Variants in KCNB2 observed in about 807,000 individuals in gnomAD.
The protein encoded by KCNB2 is potassium voltage-gated channel subfamily B member 2.
KCNB2 carries 15 observed loss-of-function variants against 61.5 expected under a neutral mutation model. The observed-to-expected ratio is 0.24, with a 90% CI of 0.16 to 0.38. KCNB2 has a LOEUF of 0.38. KCNB2 is among the 10% of genes least tolerant of loss of function. The pLI is 1.00. For synonymous variants in KCNB2, 457 were observed against 446.0 expected, an observed-to-expected ratio of 1.02 and a Z score of -0.31; for missense variants, 828 against 1,125.2, an observed-to-expected ratio of 0.74 and a Z score of 3.78.
chr8:72,681,194 T>C (rs1321354348), intron 2 of KCNB2, among the ~76,000 whole-genome samples: 1 of 152,134 alleles, frequency 6.6e-6, no homozygotes, highest in Non-Finnish European at 1.5e-5. Context: ...ATGTGAGTGA[T>C]GTTAAACTTG....
chr8:72,860,309 T>C (rs1342631104), intron 2 of KCNB2, among the ~76,000 whole-genome samples: 3 of 152,232 alleles, frequency 2.0e-5, no homozygotes, highest in Admixed American at 6.5e-5. Context: ...AAGTAGTATA[T>C]GAAGAGTCTC....
chr8:72,729,517 T>G (rs1008868032), intron 2 of KCNB2, among the ~76,000 whole-genome samples: 2 of 152,294 alleles, frequency 1.3e-5, no homozygotes, highest in Non-Finnish European at 2.9e-5. Flanking sequence ...TCTTAGCAAA[T>G]GTTTGAGGAA....
intron 2 of KCNB2, among the ~76,000 whole-genome samples, chr8:72,621,782 A>C (rs1805716759): frequency 6.6e-6 from 1 of 152,252 alleles, no homozygotes; most frequent in African/African-American, 2.4e-5. Flanking sequence ...CACAAGTAAA[A>C]TAAGGATCTA....
intron 2 of KCNB2, among the ~76,000 whole-genome samples, chr8:72,787,212 T>C (rs1313606830): frequency 6.6e-6 from 1 of 151,850 alleles, no homozygotes; most frequent in Non-Finnish European, 1.5e-5. Flanking sequence ...CTGGGCAACA[T>C]AGAAAGATCC....
chr8:72,792,892 G>A (rs766754196), intron 2 of KCNB2, among the ~76,000 whole-genome samples: 11 of 152,082 alleles, frequency 7.2e-5, no homozygotes, highest in Admixed American at 1.3e-4. Flanking sequence ...CATAGGTCCC[G>A]GAATTCTTTT....
chr8:72,582,237 A>C (rs576387022), intron 2 of KCNB2, among the ~76,000 whole-genome samples: 22 of 152,350 alleles, frequency 1.4e-4, no homozygotes, highest in African/African-American at 5.0e-4. Flanking sequence ...ATGGAATCTT[A>C]TCTGCATGTG....
intron 2 of KCNB2, among the ~76,000 whole-genome samples, chr8:72,708,770 C>T (rs1031787336): frequency 6.6e-6 from 1 of 152,188 alleles, no homozygotes; most frequent in Non-Finnish European, 1.5e-5. Flanking sequence ...TTGAAACTCA[C>T]AATAATGTCT....
chr8:72,679,675 C>A (rs1806720941), intron 2 of KCNB2, among the ~76,000 whole-genome samples: 2 of 152,198 alleles, frequency 1.3e-5, no homozygotes, highest in South Asian at 4.2e-4. Context: ...TATATTTTGT[C>A]CTGAATCCTC....
chr8:72,628,041 C>T (rs1181123030), intron 2 of KCNB2, among the ~76,000 whole-genome samples: 1 of 152,080 alleles, frequency 6.6e-6, no homozygotes, highest in Non-Finnish European at 1.5e-5. Flanking sequence ...GCCACCTCCA[C>T]CTCCCAGGTT....
At chr8:72,924,683 G>T (rs1585978976) in intron 2 of KCNB2, among the ~76,000 whole-genome samples, 1 of 152,234 alleles carries the variant, frequency 6.6e-6, no homozygotes, top group East Asian at 1.9e-4. Flanking sequence ...CACCTCCTCA[G>T]TCTCTAATAA....
chr8:72,717,967 GA>G (rs1259315852), intron 2 of KCNB2, among the ~76,000 whole-genome samples: 4 of 151,262 alleles, frequency 2.6e-5, no homozygotes, highest in Non-Finnish European at 5.9e-5. Context: ...AAATTTACAA[GA>G]AAAAAACAAA....
At chr8:72,778,668 A>C (rs1323588292) in intron 2 of KCNB2, among the ~76,000 whole-genome samples, 1 of 139,880 alleles carries the variant, frequency 7.1e-6, no homozygotes. Flanking sequence ...CCAGGAGGTC[A>C]AGGCTGCAGT....
In KCNB2 at chr8:72,788,475, A is replaced by G. The variant is rs191057657; in HGVS notation, c.580-147460A>G. On this transcript the variant is annotated intron_variant, in intron 2 of 2. Transcript: ENST00000523207. ...CCAGCTTCATGACTCCATTTCACCT[A>G]ATTACCCCCTGAAAGGCCATTTTTC... is the stretch of plus-strand genomic sequence containing the variant. 3.9e-5 allele frequency among the ~76,000 whole-genome samples: 6 copies of G among 152,178 alleles called. No homozygotes were observed. In the East Asian group the frequency reaches 1.2e-3, roughly 29 times the overall value.
intron 2 of KCNB2, among the ~76,000 whole-genome samples, chr8:72,676,693 T>C (rs1045682283): frequency 3.9e-5 from 6 of 152,156 alleles, no homozygotes; most frequent in African/African-American, 1.4e-4. Flanking sequence ...ATAAGTTGAC[T>C]AGCCAGTATT....
At chr8:72,897,184 C>T (rs1263452908) in intron 2 of KCNB2, among the ~76,000 whole-genome samples, 1 of 151,920 alleles carries the variant, frequency 6.6e-6, no homozygotes, top group African/African-American at 2.4e-5. Context: ...ATCCCTTACA[C>T]CTAGAATATA....
intron 2 of KCNB2, among the ~76,000 whole-genome samples, chr8:72,817,780 G>A (rs951263949): frequency 1.3e-5 from 2 of 152,082 alleles, no homozygotes; most frequent in Non-Finnish European, 2.9e-5. Context: ...ACAAGTGAAG[G>A]CAATGGCTTG....
chr8:72,556,427 CAGAT>C (rs971892615), intron 1 of KCNB2, among the ~76,000 whole-genome samples: 23 of 152,094 alleles, frequency 1.5e-4, no homozygotes, highest in South Asian at 1.0e-3. Flanking sequence ...GTGCCATACA[CAGAT>C]GGATGGTTAA....
rs573475224 is a variant in KCNB2, at chr8:72,702,658, C to T, written c.579+134345C>T. Among the ~76,000 whole-genome samples, 354 of 152,242 alleles carry T rather than the reference C, an allele frequency of 2.3e-3. 1 individual carries two copies. Among genetic ancestry groups the T allele is most frequent in the African/African-American group, 8.3e-3 (343 of 41,542 alleles). ...TGTGGAAATATTGAACCATGATGTT[C>T]ATATAATTCAAAAGTCAGCTTCCAC... is the stretch of plus-strand genomic sequence containing the variant. On this transcript the variant is annotated intron_variant, in intron 2 of 2. Transcript: ENST00000523207.
intron 2 of KCNB2, among the ~76,000 whole-genome samples, chr8:72,704,206 TA>T (rs1807180034): frequency 6.6e-6 from 1 of 152,202 alleles, no homozygotes; most frequent in Admixed American, 6.5e-5. Flanking sequence ...ACCTTTTATA[TA>T]AAGGTTGTAG....
Sources: allele counts gnomAD v4.1 joint callset (sites outside exome capture counted in the v4.1 genomes callset), GRCh38; gene constraint gnomAD v4.1.1; transcripts MANE v1.5; gene names NCBI Gene and HGNC (gene_info 2026-07-23, HGNC 2026-07-21).